The following UBE2W variants were observed in gnomAD, a reference collection of about 807,000 sequenced individuals.
UBE2W encodes ubiquitin-conjugating enzyme E2 W.
A neutral mutation model predicts 27.2 loss-of-function variants in UBE2W; 18 were observed. That is an observed-to-expected ratio of 0.66 (90% CI 0.46 to 0.98). The LOEUF (loss-of-function observed/expected upper bound fraction) is 0.98, where lower values mean the gene tolerates loss of function less well. Ranked by LOEUF, UBE2W falls within the 50% of genes least tolerant of loss-of-function variation. The probability of loss-of-function intolerance (pLI) is 0.00; values close to 1 mark genes in which losing one functional copy is unlikely to be tolerated. For missense variants in UBE2W, 90 were observed against 180.2 expected (o/e 0.50, Z 2.87); for synonymous variants, 53 against 57.2 (o/e 0.93, Z 0.33).
chr8:73,877,797 C>T (rs563133097), intron 1 of UBE2W, among the ~76,000 whole-genome samples: 4 of 152,294 alleles, frequency 2.6e-5, no homozygotes, highest in Non-Finnish European at 5.9e-5. Context: ...AGATAACGCA[C>T]TCAATCCCTG....
chr8:73,862,125 G>A (rs1811556861), intron 1 of UBE2W, among the ~76,000 whole-genome samples: 1 of 152,090 alleles, frequency 6.6e-6, no homozygotes. Context: ...TACAACTTTG[G>A]CTGCACATTA....
At chr8:73,804,404 G>C (rs1339379231) in intron 5 of UBE2W, among the ~76,000 whole-genome samples, 1 of 151,782 alleles carries the variant, frequency 6.6e-6, no homozygotes, top group East Asian at 1.9e-4. Flanking sequence ...CAGACTTTTT[G>C]TTTTTAATTT....
downstream of UBE2W, among the ~76,000 whole-genome samples, chr8:73,781,634 T>A (rs902663098): frequency 4.7e-5 from 7 of 150,024 alleles, no homozygotes; most frequent in Non-Finnish European, 8.8e-5. Context: ...TTTTTTTTTT[T>A]TTTATTTTTA....
At position 73,787,320 on chromosome 8, in the gene UBE2W, G is replaced by A; in HGVS notation, c.*6782C>T. The A allele has an allele frequency of 1.0e-6, 1 of 985,402 alleles. No homozygotes were observed. The highest frequency in any genetic ancestry group is 1.2e-6 in the Non-Finnish European group (1 of 829,932). The allele number at this position is 985,402 out of a possible 1,614,324, so 61.0% of individuals were successfully genotyped here. A position where few individuals can be genotyped will look rare whatever the true frequency, so the allele number is the denominator to read the frequency against. On this transcript the variant is annotated 3_prime_UTR_variant, in exon 6 of 6. Coordinates refer to ENST00000602593, the MANE Select transcript of UBE2W (RefSeq NM_018299.6). ...ACGTGTTATGTTAGTGTGAAAATGA[G>A]TAAGAAATATAGGGAGGACATAAAC...
intron 1 of UBE2W, among the ~76,000 whole-genome samples, chr8:73,850,821 A>G (rs1359574744): frequency 6.7e-6 from 1 of 150,124 alleles, no homozygotes; most frequent in African/African-American, 2.4e-5. Flanking sequence ...TTTTATAAAT[A>G]TTCTTTAAAA....
chr8:73,852,278 TCCA>T (rs1476262100), intron 1 of UBE2W, among the ~76,000 whole-genome samples: 1 of 152,132 alleles, frequency 6.6e-6, no homozygotes, highest in East Asian at 1.9e-4. Context: ...CTACCATGAA[TCCA>T]ATGTATGTAC....
chr8:73,796,882 C>T (rs1808444617), intron 5 of UBE2W, among the ~76,000 whole-genome samples: 1 of 95,612 alleles, frequency 1.0e-5, no homozygotes, highest in Non-Finnish European at 2.0e-5. Flanking sequence ...ACCCCCCAAC[C>T]AAAAATAAAT....
rs115322810 is a variant in UBE2W at position 73,868,716 on chromosome 8, A to C, written c.15+10092T>G. Among the ~76,000 whole-genome samples the C allele has an allele frequency of 9.0e-3, 1,373 of 152,164 alleles. 27 individuals carry two copies. The highest frequency in any genetic ancestry group is 0.031 in the African/African-American group (1,299 of 41,494). Reference sequence around the variant, plus strand: ...AATTGCTTGGTGTGAAAAAAAAAAAAAAACCCACATATCTGGTGTCAGAAA... The same window carrying C: ...AATTGCTTGGTGTGAAAAAAAAAAACAAACCCACATATCTGGTGTCAGAAA... On this transcript the variant is annotated intron_variant, in intron 1 of 5. Coordinates refer to ENST00000602593, the MANE Select transcript of UBE2W (RefSeq NM_018299.6).
chr8:73,828,388 A>G (rs1410909959), intron 2 of UBE2W, among the ~76,000 whole-genome samples: 3 of 152,214 alleles, frequency 2.0e-5, no homozygotes, highest in Non-Finnish European at 4.4e-5. Flanking sequence ...TGCTGACTAC[A>G]GACTATAATT....
Position 73,786,662 on chromosome 8 carries a change from T to C in UBE2W, c.*7440A>G. 1.0e-6 allele frequency: 1 copy of C among 985,468 alleles called. No homozygotes were observed. The highest frequency in any genetic ancestry group is 1.2e-6 in the Non-Finnish European group (1 of 829,958). The allele number at this position is 985,468 out of a possible 1,614,324, so 61.0% of individuals were successfully genotyped here. ...CGGCAGTGGAAGCTTGCATTGCTAC[T>C]GCTTATGAAACAAGGTTTGTGGACA... On this transcript the variant is annotated 3_prime_UTR_variant, in exon 6 of 6. Coordinates refer to ENST00000602593, the MANE Select transcript of UBE2W (RefSeq NM_018299.6).
In UBE2W at chr8:73,797,382, C is replaced by A. The variant is rs563825320; in HGVS notation, c.443-3267G>T. On this transcript the variant is annotated intron_variant, in intron 5 of 5. Transcript: ENST00000602593. ...GAAAATATTTAGTTTTGTCTCTCAA[C>A]AATTTAGGGAATTAAAATTTTCCTT... 9.9e-5 allele frequency among the ~76,000 whole-genome samples: 15 copies of A among 152,220 alleles called. No homozygotes were observed. In the South Asian group the frequency reaches 3.1e-3, roughly 32 times the overall value.
intron 3 of UBE2W, among the ~76,000 whole-genome samples, chr8:73,821,199 A>G (rs1809596952): frequency 6.6e-6 from 1 of 152,158 alleles, no homozygotes; most frequent in African/African-American, 2.4e-5. Context: ...ACTAGGTATT[A>G]AAACGTGAAC....
downstream of UBE2W, among the ~76,000 whole-genome samples, chr8:73,784,567 C>T (rs1171767316): frequency 6.6e-5 from 10 of 152,136 alleles, no homozygotes; most frequent in Non-Finnish European, 1.5e-4. Context: ...AAGTATCTTC[C>T]TCCAGAGAGG....
chr8:73,858,360 C>CAAAAA (rs10538314), intron 1 of UBE2W, among the ~76,000 whole-genome samples: 1 of 90,340 alleles, frequency 1.1e-5, no homozygotes, highest in East Asian at 3.5e-4. Context: ...GACTTCATCT[C>CAAAAA]AAAAAAAAAA....
At chr8:73,824,499 G>A (rs951152269) in intron 3 of UBE2W, among the ~76,000 whole-genome samples, 1 of 152,170 alleles carries the variant, frequency 6.6e-6, no homozygotes, top group East Asian at 1.9e-4. Context: ...TCTGACCTAG[G>A]AGAAGTGCCT....
At chr8:73,876,669 T>C (rs16938739) in intron 1 of UBE2W, among the ~76,000 whole-genome samples, 8,838 of 152,220 alleles carry the variant, frequency 0.058, 847 homozygotes, top group African/African-American at 0.2. Flanking sequence ...TTGTTTCCAA[T>C]TCTTAAGACA....
rs1192473578 is a variant in UBE2W, at chr8:73,787,351, C to T, written c.*6751G>A. 3.0e-6 allele frequency: 3 copies of T among 985,214 alleles called. No individual in the cohort carries two copies. Among genetic ancestry groups the T allele is most frequent in the Non-Finnish European group, 3.6e-6 (3 of 829,904 alleles). The allele number at this position is 985,214 out of a possible 1,614,324, so 61.0% of individuals were successfully genotyped here. ...AATATAGGGAGGACATAAACAGAGT[C>T]ACTTATCCAGGGTAGCTTAAACTAA... On this transcript the variant is annotated 3_prime_UTR_variant, in exon 6 of 6. Coordinates refer to ENST00000602593, the MANE Select transcript of UBE2W (RefSeq NM_018299.6).
At chr8:73,844,824 C>G (rs1285061444) in intron 1 of UBE2W, among the ~76,000 whole-genome samples, 1 of 151,546 alleles carries the variant, frequency 6.6e-6, no homozygotes, top group Admixed American at 6.6e-5. Flanking sequence ...TGAGGAGTGT[C>G]TCTGCACCGC....
chr8:73,859,492 T>C lies in UBE2W; in HGVS notation c.15+19316A>G, dbSNP rs376898818. Among the ~76,000 whole-genome samples, 6 of 152,136 alleles carry C rather than the reference T, an allele frequency of 3.9e-5. No homozygotes were observed. In the South Asian group the frequency reaches 1.2e-3, roughly 32 times the overall value. On this transcript the variant is annotated intron_variant, in intron 1 of 5. Coordinates refer to ENST00000602593, the MANE Select transcript of UBE2W (RefSeq NM_018299.6). ...CTGCACTCCAGCCTGGGTGACAGAGTACTTAATGAATAGTAAATATATTTT... is the reference window on the plus strand; with the variant it reads ...CTGCACTCCAGCCTGGGTGACAGAGCACTTAATGAATAGTAAATATATTTT...
Sources: gnomAD v4.1 joint callset for allele counts (sites outside exome capture counted in the v4.1 genomes callset) on GRCh38, gnomAD v4.1.1 for gene constraint, MANE v1.5 for transcripts, NCBI Gene and HGNC (gene_info 2026-07-23, HGNC 2026-07-21) for gene names.